Variants in PRKD1 observed in about 807,000 individuals in gnomAD.
The protein encoded by PRKD1 is protein kinase D1.
PRKD1 carries 63 observed loss-of-function variants against 95.9 expected under a neutral mutation model. The ratio of observed to expected loss-of-function variants is 0.66; its 90% CI spans 0.54 to 0.81. The LOEUF is 0.81. Among genes scored for constraint, PRKD1 ranks in the 30% least tolerant of loss-of-function variants. The probability of loss-of-function intolerance (pLI) is 0.00; values close to 1 mark genes in which losing one functional copy is unlikely to be tolerated. For synonymous variants in PRKD1, 425 were observed against 423.1 expected (o/e 1.00, Z -0.05); for missense variants, 1,048 against 1,165.3 (o/e 0.90, Z 1.47).
chr14:29,919,207 T>C (rs995620487), intron 1 of PRKD1, among the ~76,000 whole-genome samples: 14 of 152,230 alleles, frequency 9.2e-5, no homozygotes, highest in Non-Finnish European at 1.8e-4. Flanking sequence ...CTAAGTTTCA[T>C]GTTTGCCAAC....
At chr14:29,758,750 G>T (rs567189434) in intron 1 of PRKD1, among the ~76,000 whole-genome samples, 1 of 152,198 alleles carries the variant, frequency 6.6e-6, no homozygotes, top group South Asian at 2.1e-4. Flanking sequence ...AAAATTACAA[G>T]ATCTGGCCAC....
intron 1 of PRKD1, among the ~76,000 whole-genome samples, chr14:29,746,064 T>C (rs1388502135): frequency 6.6e-6 from 1 of 152,106 alleles, no homozygotes; most frequent in East Asian, 1.9e-4. Context: ...TCAGACACAC[T>C]TGAGCACTGA....
chr14:29,723,675 G>A (rs1316914186), intron 2 of PRKD1, among the ~76,000 whole-genome samples: 2 of 107,906 alleles, frequency 1.9e-5, no homozygotes, highest in Non-Finnish European at 4.6e-5. Context: ...GTGTGCGTGT[G>A]TGTGTGTGTG....
At chr14:29,827,483 T>C (rs1048298092) in intron 1 of PRKD1, among the ~76,000 whole-genome samples, 2 of 152,106 alleles carry the variant, frequency 1.3e-5, no homozygotes, top group African/African-American at 4.8e-5. Flanking sequence ...TTCCTTACGG[T>C]CAGCCTTCTC....
chr14:29,782,789 C>T (rs1889107398), intron 1 of PRKD1, among the ~76,000 whole-genome samples: 1 of 152,176 alleles, frequency 6.6e-6, no homozygotes, highest in South Asian at 2.1e-4. Flanking sequence ...AACTAATCCG[C>T]CGCCTTGGCC....
intron 4 of PRKD1, among the ~76,000 whole-genome samples, chr14:29,663,439 G>A (rs941022646): frequency 2.0e-5 from 3 of 151,950 alleles, no homozygotes; most frequent in Non-Finnish European, 4.4e-5. Context: ...ACATTAGTTC[G>A]TGCTGCTCTG....
At chr14:29,807,271 G>C (rs1183827401) in intron 1 of PRKD1, among the ~76,000 whole-genome samples, 1 of 152,112 alleles carries the variant, frequency 6.6e-6, no homozygotes, top group Non-Finnish European at 1.5e-5. Context: ...GGGGATTCTT[G>C]ATGTAAGCCT....
chr14:29,713,982 C>A (rs544702524), intron 2 of PRKD1, among the ~76,000 whole-genome samples: 1 of 152,142 alleles, frequency 6.6e-6, no homozygotes, highest in South Asian at 2.1e-4. Flanking sequence ...ATGTAACACA[C>A]AATTAAATAA....
intron 1 of PRKD1, among the ~76,000 whole-genome samples, chr14:29,808,624 T>C (rs1890349481): frequency 6.6e-6 from 1 of 151,926 alleles, no homozygotes; most frequent in Non-Finnish European, 1.5e-5. Flanking sequence ...GATCTCGAAC[T>C]CCTGACCTCA....
chr14:29,908,210 G>A (rs1044580168), intron 1 of PRKD1, among the ~76,000 whole-genome samples: 1 of 150,210 alleles, frequency 6.7e-6, no homozygotes, highest in Non-Finnish European at 1.5e-5. Context: ...TTATAATTCT[G>A]AAATAAAAAC....
At chr14:29,718,367 T>A (rs975943478) in intron 2 of PRKD1, among the ~76,000 whole-genome samples, 1 of 150,168 alleles carries the variant, frequency 6.7e-6, no homozygotes, top group African/African-American at 2.5e-5. Flanking sequence ...TTGCTTCCCC[T>A]TCACCTTCTG....
intron 1 of PRKD1, among the ~76,000 whole-genome samples, chr14:29,734,979 T>C (rs1453022628): frequency 6.6e-6 from 1 of 152,196 alleles, no homozygotes; most frequent in Non-Finnish European, 1.5e-5. Flanking sequence ...TTACCTTGTT[T>C]GTTTCCCTTT....
intron 1 of PRKD1, among the ~76,000 whole-genome samples, chr14:29,879,256 T>G (rs1340995967): frequency 6.6e-6 from 1 of 152,192 alleles, no homozygotes; most frequent in African/African-American, 2.4e-5. Context: ...TGAATTGTAT[T>G]TCCCAGAATT....
intron 2 of PRKD1, among the ~76,000 whole-genome samples, chr14:29,704,514 A>T (rs1330274733): frequency 2.6e-5 from 4 of 152,168 alleles, no homozygotes; most frequent in Non-Finnish European, 4.4e-5. Context: ...GAATCCTTCA[A>T]AAAGCCTTCA....
intron 1 of PRKD1, among the ~76,000 whole-genome samples, chr14:29,875,697 G>T (rs1025350891): frequency 8.5e-5 from 13 of 152,128 alleles, no homozygotes; most frequent in Admixed American, 8.5e-4. Context: ...AAACAACATT[G>T]TAAGTTTATG....
At chr14:29,808,678 G>T (rs116307238) in intron 1 of PRKD1, among the ~76,000 whole-genome samples, 2,442 of 151,994 alleles carry the variant, frequency 0.016, 64 homozygotes, top group African/African-American at 0.052. Flanking sequence ...GGAATTACAG[G>T]CATGAACCAC....
intron 1 of PRKD1, among the ~76,000 whole-genome samples, chr14:29,888,086 A>C (rs1418879366): frequency 6.6e-6 from 1 of 152,132 alleles, no homozygotes; most frequent in Non-Finnish European, 1.5e-5. Flanking sequence ...GGATCACTTG[A>C]GTCCAAAAGT....
intron 4 of PRKD1, among the ~76,000 whole-genome samples, chr14:29,644,816 TACA>T (rs1225920400): frequency 1.3e-5 from 2 of 152,094 alleles, no homozygotes; most frequent in South Asian, 2.1e-4. Context: ...ATACATTTTA[TACA>T]ACTATTTTCA....
intron 2 of PRKD1, among the ~76,000 whole-genome samples, chr14:29,672,376 T>A (rs61056560): frequency 0.025 from 3,821 of 151,514 alleles, 136 homozygotes; most frequent in African/African-American, 0.077. Context: ...TAAAATAAAA[T>A]AATTAACAAT....
Sources: allele counts gnomAD v4.1 joint callset (sites outside exome capture counted in the v4.1 genomes callset), GRCh38; gene constraint gnomAD v4.1.1; transcripts MANE v1.5; gene names NCBI Gene and HGNC (gene_info 2026-07-23, HGNC 2026-07-21).